The following CCNJL variants were observed in gnomAD, a reference collection of about 807,000 sequenced individuals.
CCNJL encodes the protein cyclin-J-like protein.
Under a neutral mutation model 33.4 loss-of-function variants are expected in CCNJL, and 33 were observed. The observed-to-expected ratio is 0.99, with a 90% CI of 0.75 to 1.32. CCNJL has a LOEUF of 1.32. Among genes scored for constraint, CCNJL ranks in the 40% most tolerant of loss-of-function variants. CCNJL has a pLI of 0.00. For synonymous variants in CCNJL, 227 were observed against 220.9 expected, an observed-to-expected ratio of 1.03 and a Z score of -0.24; for missense variants, 512 against 499.7, an observed-to-expected ratio of 1.02 and a Z score of -0.23.
Position 160,253,738 on chromosome 5 carries a change from C to A in CCNJL, c.804G>T (p.Val268=). The A allele has an allele frequency of 6.4e-7, 1 of 1,564,408 alleles. No homozygotes were observed. The highest frequency in any genetic ancestry group is 8.6e-7 in the Non-Finnish European group (1 of 1,156,846). The part of the protein sequence containing the change: ...VAVKSQALAM[V]PGTPPTPTQV... ...GAGTGGGGGTGGGGGGTGTGCCGGG[C>A]ACCATTGCCAAGGCCTGGCTCTTGA... Residue 268 remains valine, a synonymous_variant, in exon 6 of 6, where the codon GTG becomes GTT. Coordinates refer to ENST00000257536, the MANE Select transcript of CCNJL (RefSeq NM_001308173.3).
intron 2 of CCNJL, among the ~76,000 whole-genome samples, chr5:160,298,418 G>C (rs1294889935): frequency 6.6e-6 from 1 of 152,130 alleles, no homozygotes; most frequent in Non-Finnish European, 1.5e-5. Flanking sequence ...GGGCTGCACA[G>C]CACAGACTTC....
intron 3 of CCNJL, chr5:160,269,543 A>G (rs1161376286): frequency 2.2e-6 from 1 of 455,346 alleles, no homozygotes. Flanking sequence ...CTTTGTTCCG[A>G]CCTATGCGGG....
intron 1 of CCNJL, among the ~76,000 whole-genome samples, chr5:160,323,910 T>C (rs997700190): frequency 6.6e-6 from 1 of 152,230 alleles, no homozygotes; most frequent in Non-Finnish European, 1.5e-5. Context: ...GATTGAAACA[T>C]TGGCTCTTTC....
chr5:160,255,679 C>G lies in CCNJL; in HGVS notation c.613G>C (p.Val205Leu), dbSNP rs2113211270. ...GCCCCAACACAGGCCGCAGCGACCA[C>G]AGAAGGCTGGAATTTGTAGAATATG... The part of the protein sequence containing the change: ...DHIFYKFQPS[V>L]VAAACVGASR... Residue 205 changes from valine to leucine, a missense_variant, in exon 5 of 6, where the codon GTG becomes CTG. Transcript: ENST00000257536. 1 of 1,614,032 alleles carries G rather than the reference C, an allele frequency of 6.2e-7. No homozygotes were observed. Among genetic ancestry groups the G allele is most frequent in the East Asian group, 2.2e-5 (1 of 44,874 alleles).
At chr5:160,279,875 T>C (rs1348230263) in intron 3 of CCNJL, among the ~76,000 whole-genome samples, 2 of 152,182 alleles carry the variant, frequency 1.3e-5, no homozygotes. Flanking sequence ...GGCAGAACTG[T>C]GTTTTAAGGA....
intron 3 of CCNJL, among the ~76,000 whole-genome samples, chr5:160,262,500 G>A (rs1445258742): frequency 3.3e-5 from 5 of 152,178 alleles, no homozygotes; most frequent in Admixed American, 6.5e-5. Flanking sequence ...AACTCGACAG[G>A]CTGCTTATTT....
chr5:160,257,804 G>T (rs1467889147), intron 4 of CCNJL, among the ~76,000 whole-genome samples: 1 of 152,048 alleles, frequency 6.6e-6, no homozygotes, highest in African/African-American at 2.4e-5. Flanking sequence ...AAGACACTTG[G>T]CATGCAGTAA....
At chr5:160,334,534 C>T (rs753221079) in intron 1 of CCNJL, among the ~76,000 whole-genome samples, 6 of 152,136 alleles carry the variant, frequency 3.9e-5, no homozygotes, top group Non-Finnish European at 7.3e-5. Flanking sequence ...TGAGATACTA[C>T]TATTATCATC....
chr5:160,263,024 T>C (rs9313842), intron 3 of CCNJL, among the ~76,000 whole-genome samples: 11,051 of 152,292 alleles, frequency 0.073, 589 homozygotes, highest in South Asian at 0.19. Context: ...ATGGAATCTC[T>C]GACTTCTCTG....
chr5:160,256,186 G>C (rs1486505456), intron 4 of CCNJL, among the ~76,000 whole-genome samples: 1 of 152,178 alleles, frequency 6.6e-6, no homozygotes, highest in African/African-American at 2.4e-5. Flanking sequence ...ACCACGCTCA[G>C]ACCAGTCTGA....
intron 1 of CCNJL, chr5:160,339,305 C>A (rs1387148202): frequency 9.2e-6 from 2 of 218,164 alleles, no homozygotes; most frequent in African/African-American, 2.5e-5. Context: ...GTATAATTGC[C>A]AGAGTGAAAG....
intron 1 of CCNJL, among the ~76,000 whole-genome samples, chr5:160,333,334 C>G (rs373990415): frequency 2.6e-5 from 4 of 152,126 alleles, no homozygotes; most frequent in East Asian, 3.9e-4. Flanking sequence ...CCGTGTTAGC[C>G]TGGATGGTCT....
At chr5:160,314,326 T>G (rs932365360), upstream of CCNJL, among the ~76,000 whole-genome samples, 1 of 152,200 alleles carries the variant, frequency 6.6e-6, no homozygotes, top group African/African-American at 2.4e-5. Flanking sequence ...ATTTAATATA[T>G]TTAAAAATTC....
chr5:160,255,464 G>T, intron 5 of CCNJL, 85 bp downstream of exon 5: 1 of 1,328,624 alleles, frequency 7.5e-7, no homozygotes, highest in Non-Finnish European at 1.1e-6. Context: ...TCCAGACTCT[G>T]GAAACTGCCC....
At chr5:160,269,470 T>A in intron 3 of CCNJL, 1 of 456,530 alleles carries the variant, frequency 2.2e-6, no homozygotes, top group Non-Finnish European at 4.4e-6. Context: ...CACCAGGGGC[T>A]GCCTCTGGCC....
intron 2 of CCNJL, among the ~76,000 whole-genome samples, chr5:160,290,247 G>A (rs1479499038): frequency 6.6e-6 from 1 of 151,842 alleles, no homozygotes; most frequent in East Asian, 1.9e-4. Context: ...CAGCTTAAAA[G>A]TCACTTCTTT....
At chr5:160,301,886 C>T (rs550215467) in intron 2 of CCNJL, among the ~76,000 whole-genome samples, 8 of 151,956 alleles carry the variant, frequency 5.3e-5, no homozygotes, top group African/African-American at 1.2e-4. Context: ...TGTGCCACCA[C>T]GCCCAGCTAA....
chr5:160,274,396 T>C (rs1327981573), intron 3 of CCNJL, among the ~76,000 whole-genome samples: 1 of 151,418 alleles, frequency 6.6e-6, no homozygotes, highest in Admixed American at 6.6e-5. Flanking sequence ...GAGGCAGAGG[T>C]TGCAATGAGC....
At chr5:160,300,824 TC>T (rs1379207086) in intron 2 of CCNJL, among the ~76,000 whole-genome samples, 2 of 152,146 alleles carry the variant, frequency 1.3e-5, no homozygotes, top group African/African-American at 4.8e-5. Flanking sequence ...CATGCCCGGC[TC>T]CTGCTCCTTT....
Sources: allele counts gnomAD v4.1 joint callset (sites outside exome capture counted in the v4.1 genomes callset), GRCh38; gene constraint gnomAD v4.1.1; transcripts MANE v1.5; gene names NCBI Gene and HGNC (gene_info 2026-07-23, HGNC 2026-07-21).